Variants in SV2C observed in about 807,000 individuals in gnomAD.
The protein encoded by SV2C is synaptic vesicle glycoprotein 2C.
SV2C carries 49 observed loss-of-function variants against 79.7 expected under a neutral mutation model. That is an observed-to-expected ratio of 0.61 (90% CI 0.49 to 0.78). The LOEUF (loss-of-function observed/expected upper bound fraction) is 0.78, where lower values mean the gene tolerates loss of function less well. Among genes scored for constraint, SV2C ranks in the 30% least tolerant of loss-of-function variants. The pLI is 0.00. For missense variants in SV2C, 833 were observed against 912.9 expected, an observed-to-expected ratio of 0.91 and a Z score of 1.13; for synonymous variants, 334 against 333.2, an observed-to-expected ratio of 1.00 and a Z score of -0.03.
At chr5:76,048,987 G>GAAAGAAAGAAAGAAAGAAAGAAAGAA in the SV2C span, among the ~76,000 whole-genome samples, 1 of 80,124 alleles carries the variant, frequency 1.2e-5, no homozygotes, top group African/African-American at 4.2e-5. Flanking sequence ...AAGAAAGAAA[G>GAAAGAAAGAAAGAAAGAAAGAAAGAA]AAAGAAAGAA....
the SV2C span, among the ~76,000 whole-genome samples, chr5:76,040,281 G>T: frequency 6.6e-6 from 1 of 152,136 alleles, no homozygotes; most frequent in South Asian, 2.1e-4. Flanking sequence ...ATTCTTAGCA[G>T]CCAATGCAAA....
chr5:76,283,891 T>C (rs926337296), intron 4 of SV2C, among the ~76,000 whole-genome samples: 4 of 152,180 alleles, frequency 2.6e-5, no homozygotes, highest in Admixed American at 6.5e-5. Flanking sequence ...CTCTGTGGCC[T>C]TGAGGAAGTT....
At chr5:75,982,850 A>T in the SV2C span, among the ~76,000 whole-genome samples, 1 of 152,332 alleles carries the variant, frequency 6.6e-6, no homozygotes, top group African/African-American at 2.4e-5. Flanking sequence ...ATCCTTAGCA[A>T]ACTAATGCAG....
At position 76,099,259 on chromosome 5, in the gene SV2C, A is replaced by T. The variant is rs184279858; in HGVS notation, c.-102+15747A>T. Among the ~76,000 whole-genome samples, 263 of 152,202 alleles carry T rather than the reference A, an allele frequency of 1.7e-3. 1 individual carries two copies. The highest frequency in any genetic ancestry group is 4.8e-3 in the Admixed American group (73 of 15,268). ...AAAAATTGTATGATCTTTGCCTAAGATTGAAGTGCTATAAAATGTATACCT... is the reference window on the plus strand; with the variant it reads ...AAAAATTGTATGATCTTTGCCTAAGTTTGAAGTGCTATAAAATGTATACCT... On this transcript the variant is annotated intron_variant, in intron 1 of 12. Coordinates refer to ENST00000502798, the MANE Select transcript of SV2C (RefSeq NM_014979.4).
the SV2C span, among the ~76,000 whole-genome samples, chr5:75,854,664 T>C: frequency 1.3e-5 from 2 of 152,138 alleles, no homozygotes; most frequent in African/African-American, 4.8e-5. Flanking sequence ...TTTTGCTTTG[T>C]TTTTTAACAT....
chr5:76,119,104 C>A (rs568989606), intron 1 of SV2C, among the ~76,000 whole-genome samples: 3 of 152,184 alleles, frequency 2.0e-5, no homozygotes, highest in African/African-American at 4.8e-5. Flanking sequence ...GTGATATAAA[C>A]AGCCTACATG....
In SV2C at chr5:76,132,210, C is replaced by G. The variant is rs773376991; in HGVS notation, c.460C>G (p.Leu154Val). ...ECGHGRFQWALFFVLGMALMA... is the reference protein window; with the variant it reads ...ECGHGRFQWAVFFVLGMALMA... ...CGGTCATGGTCGTTTTCAGTGGGCCCTTTTCTTCGTCCTGGGCATGGCTCT... is the reference window on the plus strand; with the variant it reads ...CGGTCATGGTCGTTTTCAGTGGGCCGTTTTCTTCGTCCTGGGCATGGCTCT... The change falls in exon 2 of 13, where the codon CTT (leucine) becomes GTT (valine). Residue 154 changes from leucine to valine, a missense_variant. Leu to Val is a conservative substitution (Grantham distance 32, BLOSUM62 1). Transcript: ENST00000502798. The G allele has an allele frequency of 2.5e-5, 41 of 1,613,984 alleles. No homozygotes were observed. Among genetic ancestry groups the G allele is most frequent in the Non-Finnish European group, 3.3e-5 (39 of 1,180,024 alleles).
downstream of SV2C, among the ~76,000 whole-genome samples, chr5:76,337,237 G>A (rs2112582423): frequency 6.6e-6 from 1 of 152,142 alleles, no homozygotes; most frequent in South Asian, 2.1e-4. Flanking sequence ...GCTTGTGCAT[G>A]GCCATCTTCT....
chr5:76,138,753 A>G (rs747949684), intron 2 of SV2C, among the ~76,000 whole-genome samples: 10 of 152,206 alleles, frequency 6.6e-5, no homozygotes, highest in East Asian at 3.9e-4. Flanking sequence ...TGTTGAATGA[A>G]TGAATGACAG....
the SV2C span, among the ~76,000 whole-genome samples, chr5:75,945,048 C>G: frequency 6.6e-6 from 1 of 152,082 alleles, no homozygotes; most frequent in East Asian, 1.9e-4. Context: ...GAGGGCAACA[C>G]TGAGATGCCC....
rs763730032 is a variant in SV2C, at chr5:76,131,792, T to A, written c.42T>A (p.Gly14=). The change falls in exon 2 of 13, where the codon GGT becomes GGA. Residue 14 remains glycine (G), a synonymous_variant. Coordinates refer to ENST00000502798, the MANE Select transcript of SV2C (RefSeq NM_014979.4). ...SYKDRTSLMK[G]AKDIAREVKK... ...AGGATAGGACTTCACTGATGAAGGG[T>A]GCCAAGGACATTGCCAGAGAGGTGA... is the stretch of plus-strand genomic sequence containing the variant. 2.5e-6 allele frequency: 4 copies of A among 1,613,776 alleles called. No individual in the cohort carries two copies. In the South Asian group the frequency reaches 4.4e-5, roughly 18 times the overall value.
chr5:76,260,602 CTTGAG>C (rs922703791), intron 4 of SV2C, among the ~76,000 whole-genome samples: 9 of 152,100 alleles, frequency 5.9e-5, no homozygotes, highest in African/African-American at 2.2e-4. Context: ...TTTAATCTAT[CTTGAG>C]TTAATTTTTG....
the SV2C span, among the ~76,000 whole-genome samples, chr5:75,951,875 G>T: frequency 6.6e-6 from 1 of 151,980 alleles, no homozygotes; most frequent in East Asian, 1.9e-4. Context: ...ACCTTATTCA[G>T]CATTATGGTA....
the SV2C span, among the ~76,000 whole-genome samples, chr5:75,939,907 G>C: frequency 3.3e-5 from 5 of 152,024 alleles, no homozygotes; most frequent in Admixed American, 3.3e-4. Flanking sequence ...TTCAAGTCTG[G>C]CTCAGTTGCA....
chr5:75,910,986 C>A, the SV2C span: 1 of 939,898 alleles, frequency 1.1e-6, no homozygotes, highest in Non-Finnish European at 1.7e-6. Flanking sequence ...ACATCTATGG[C>A]CTCCAGTCCT....
chr5:75,954,314 G>A, the SV2C span, among the ~76,000 whole-genome samples: 1 of 152,090 alleles, frequency 6.6e-6, no homozygotes, highest in South Asian at 2.1e-4. Flanking sequence ...GGAAAGGTAT[G>A]AAAGCTGAAA....
intron 2 of SV2C, among the ~76,000 whole-genome samples, chr5:76,138,313 A>G (rs1749135790): frequency 6.6e-6 from 1 of 152,150 alleles, no homozygotes. Flanking sequence ...GTTTTCATTT[A>G]AAGCACTTTC....
At chr5:75,870,118 T>C in the SV2C span, among the ~76,000 whole-genome samples, 1 of 151,850 alleles carries the variant, frequency 6.6e-6, no homozygotes, top group Admixed American at 6.6e-5. Context: ...TCCACAAGTA[T>C]CAGCACCATC....
At chr5:75,900,900 T>G in the SV2C span, among the ~76,000 whole-genome samples, 4 of 152,264 alleles carry the variant, frequency 2.6e-5, no homozygotes, top group Admixed American at 2.0e-4. Flanking sequence ...TTCTGCATTC[T>G]TCACGTAGTT....
Sources: allele counts gnomAD v4.1 joint callset (sites outside exome capture counted in the v4.1 genomes callset), GRCh38; gene constraint gnomAD v4.1.1; transcripts MANE v1.5; gene names NCBI Gene and HGNC (gene_info 2026-07-23, HGNC 2026-07-21).